The following SOBP variants were observed in gnomAD, a reference collection of about 807,000 sequenced individuals.
SOBP encodes the protein sine oculis-binding protein homolog.
A neutral mutation model predicts 53.6 loss-of-function variants in SOBP; 4 were observed. The observed-to-expected ratio is 0.07, with a 90% CI of 0.04 to 0.17. The LOEUF (loss-of-function observed/expected upper bound fraction) is 0.17, where lower values mean the gene tolerates loss of function less well. SOBP is among the 10% of genes least tolerant of loss of function. SOBP has a pLI of 1.00. For synonymous variants in SOBP, 584 were observed against 522.6 expected (o/e 1.12, Z -1.60); for missense variants, 1,088 against 1,204.7 (o/e 0.90, Z 1.43).
At chr6:107,644,039 C>T (rs1771449000) in intron 6 of SOBP, among the ~76,000 whole-genome samples, 1 of 152,222 alleles carries the variant, frequency 6.6e-6, no homozygotes, top group African/African-American at 2.4e-5. Context: ...TGGTGGCTCA[C>T]TCCTGTAATC....
intron 4 of SOBP, among the ~76,000 whole-genome samples, chr6:107,554,737 C>T (rs1784558739): frequency 6.6e-6 from 1 of 152,188 alleles, no homozygotes; most frequent in African/African-American, 2.4e-5. Context: ...ATGACTCCCA[C>T]TTCTGTTCTG....
chr6:107,519,618 A>G (rs1783421553), intron 3 of SOBP, among the ~76,000 whole-genome samples: 1 of 152,196 alleles, frequency 6.6e-6, no homozygotes, highest in South Asian at 2.1e-4. Flanking sequence ...AACATTTGCA[A>G]ACCAGCAGTG....
intron 1 of SOBP, among the ~76,000 whole-genome samples, chr6:107,495,038 A>G (rs749824011): frequency 2.0e-5 from 3 of 152,224 alleles, no homozygotes; most frequent in East Asian, 1.9e-4. Flanking sequence ...AAACAGGTAT[A>G]TTTTAAGTTT....
intron 4 of SOBP, among the ~76,000 whole-genome samples, chr6:107,585,065 A>C (rs1226738939): frequency 6.6e-6 from 1 of 152,232 alleles, no homozygotes; most frequent in African/African-American, 2.4e-5. Context: ...ATCATAGTGC[A>C]TCAGGAATAT....
chr6:107,561,040 C>A (rs1289458760), intron 4 of SOBP, among the ~76,000 whole-genome samples: 93 of 152,272 alleles, frequency 6.1e-4, no homozygotes, highest in Non-Finnish European at 4.4e-5. Context: ...CTGGGGGTAC[C>A]TGACCCATCA....
intron 5 of SOBP, among the ~76,000 whole-genome samples, chr6:107,619,608 G>C (rs2115116798): frequency 6.6e-6 from 1 of 152,244 alleles, no homozygotes; most frequent in South Asian, 2.1e-4. Flanking sequence ...GGTGGGGTGG[G>C]GGGCAGTTGG....
chr6:107,587,588 T>C (rs1785606798), intron 5 of SOBP, among the ~76,000 whole-genome samples: 1 of 152,208 alleles, frequency 6.6e-6, no homozygotes, highest in Non-Finnish European at 1.5e-5. Flanking sequence ...CTAGGGAAGA[T>C]AGCAGAGTTG....
intron 2 of SOBP, among the ~76,000 whole-genome samples, chr6:107,504,360 A>T (rs1342141961): frequency 6.6e-6 from 1 of 152,158 alleles, no homozygotes; most frequent in African/African-American, 2.4e-5. Context: ...AGCCTATATT[A>T]CTCTTTAAGA....
At chr6:107,567,301 T>C (rs1462874963) in intron 4 of SOBP, among the ~76,000 whole-genome samples, 1 of 152,232 alleles carries the variant, frequency 6.6e-6, no homozygotes. Context: ...CTTTAAAAAT[T>C]ATTAAAAATC....
chr6:107,654,528 G>A (rs1728109), intron 6 of SOBP, among the ~76,000 whole-genome samples: 21,950 of 152,206 alleles, frequency 0.14, 3,203 homozygotes, highest in African/African-American at 0.34. Context: ...GGGCTTCCTT[G>A]TATACTGGTA....
chr6:107,582,810 A>G (rs916224733), intron 4 of SOBP, among the ~76,000 whole-genome samples: 2 of 152,174 alleles, frequency 1.3e-5, no homozygotes, highest in African/African-American at 4.8e-5. Context: ...CGTGAACACA[A>G]TTCTTCTGGC....
chr6:107,532,254 C>T (rs1302584564), intron 3 of SOBP, among the ~76,000 whole-genome samples: 3 of 150,426 alleles, frequency 2.0e-5, no homozygotes, highest in Non-Finnish European at 4.4e-5. Context: ...CACACACACA[C>T]ACACACACAC....
intron 4 of SOBP, among the ~76,000 whole-genome samples, chr6:107,569,894 C>T (rs73762265): frequency 1.3e-5 from 2 of 152,232 alleles, no homozygotes; most frequent in Non-Finnish European, 2.9e-5. Context: ...TTCTCACCCC[C>T]CTTTGCAGCC....
Position 107,651,879 on chromosome 6 carries a change from CGAAGCTTGGGT to C in SOBP, c.*4-6325_*4-6315del, listed in dbSNP as rs1312335937. On this transcript the variant is annotated intron_variant, in intron 6 of 6. Coordinates refer to ENST00000317357, the MANE Select transcript of SOBP (RefSeq NM_018013.4). ...TGCTTGAGCTCTGTCAGTGGAACAA[CGAAGCTTGGGT>C]GACAGCACATCTCTTGATACCATGG... Among the ~76,000 whole-genome samples the C allele has an allele frequency of 2.0e-5, 3 of 152,254 alleles. No homozygotes were observed. In the South Asian group the frequency reaches 6.2e-4, roughly 32 times the overall value.
At chr6:107,581,977 C>T (rs2115052989) in intron 4 of SOBP, among the ~76,000 whole-genome samples, 1 of 152,276 alleles carries the variant, frequency 6.6e-6, no homozygotes, top group South Asian at 2.1e-4. Context: ...CTGTTGTGCT[C>T]TCCCCGGCCC....
intron 5 of SOBP, among the ~76,000 whole-genome samples, chr6:107,608,010 G>A (rs189093040): frequency 1.1e-4 from 17 of 152,304 alleles, no homozygotes; most frequent in Admixed American, 3.3e-4. Flanking sequence ...CACTATTAGA[G>A]GTTACTTTCT....
chr6:107,630,575 C>G (rs1770663728), intron 5 of SOBP, among the ~76,000 whole-genome samples: 1 of 152,124 alleles, frequency 6.6e-6, no homozygotes, highest in Non-Finnish European at 1.5e-5. Flanking sequence ...ATTCATTGAC[C>G]TCATCTTAAA....
intron 4 of SOBP, among the ~76,000 whole-genome samples, chr6:107,554,780 C>G (rs1041942884): frequency 6.6e-6 from 1 of 152,108 alleles, no homozygotes; most frequent in African/African-American, 2.4e-5. Context: ...GCCACCATCC[C>G]AATAGACATA....
chr6:107,496,517 C>A (rs539647351), intron 1 of SOBP, among the ~76,000 whole-genome samples: 2 of 152,306 alleles, frequency 1.3e-5, no homozygotes, highest in East Asian at 3.9e-4. Context: ...GTAAGACTTT[C>A]TTTTCCAGCC....
Sources: gnomAD v4.1 joint callset for allele counts (sites outside exome capture counted in the v4.1 genomes callset) on GRCh38, gnomAD v4.1.1 for gene constraint, MANE v1.5 for transcripts, NCBI Gene and HGNC (gene_info 2026-07-23, HGNC 2026-07-21) for gene names.